Variants in ACOT13 observed in about 807,000 individuals in gnomAD.
The protein encoded by ACOT13 is acyl-CoA thioesterase 13, also known as acyl-coenzyme A thioesterase 13.
In ACOT13, 10 loss-of-function variants were observed where a neutral mutation model predicts 11.8. That is an observed-to-expected ratio of 0.85 (90% CI 0.53 to 1.44). The LOEUF (loss-of-function observed/expected upper bound fraction) is 1.44. Among genes scored for constraint, ACOT13 ranks in the 40% most tolerant of loss-of-function variants. ACOT13 has a pLI of 0.00. For synonymous variants in ACOT13, 53 were observed against 61.0 expected, an observed-to-expected ratio of 0.87 and a Z score of 0.61; for missense variants, 172 against 174.1, an observed-to-expected ratio of 0.99 and a Z score of 0.07.
Position 24,695,007 on chromosome 6 carries a change from G to A in ACOT13, c.82-2876G>A, listed in dbSNP as rs1582445029. On this transcript the variant is annotated intron_variant, in intron 1 of 2. Transcript: ENST00000230048. Reference sequence around the variant, plus strand: ...AGAACTAAGCTTTACTGAACAAACTGTGCCTTAAAATACACTTAAACTGAG... The same window carrying A: ...AGAACTAAGCTTTACTGAACAAACTATGCCTTAAAATACACTTAAACTGAG... Among the ~76,000 whole-genome samples, 3 of 152,078 alleles carry A rather than the reference G, an allele frequency of 2.0e-5. No homozygotes were observed. In the South Asian group the frequency reaches 6.2e-4, roughly 32 times the overall value.
chr6:24,697,814 C>A, intron 1 of ACOT13, 69 bp from the exon 2 acceptor site: 2 of 1,322,218 alleles, frequency 1.5e-6, no homozygotes, highest in Non-Finnish European at 1.0e-6. Flanking sequence ...ATCCATTGTT[C>A]TTCATGGGCT....
At chr6:24,674,780 G>A (rs1031777053) in intron 1 of ACOT13, among the ~76,000 whole-genome samples, 6 of 152,020 alleles carry the variant, frequency 3.9e-5, no homozygotes, top group Non-Finnish European at 5.9e-5. Flanking sequence ...TGTGTGCAAC[G>A]TGCAGGTTTG....
chr6:24,701,544 G>A lies in ACOT13; in HGVS notation c.352G>A (p.Val118Met). 5 of 1,613,986 alleles carry A rather than the reference G, an allele frequency of 3.1e-6. No homozygotes were observed. The highest frequency in any genetic ancestry group is 4.2e-6 in the Non-Finnish European group (5 of 1,179,900). The part of the protein sequence containing the change: ...KQGKTLAFTS[V>M]DLTNKATGKL... The stretch of plus-strand genomic sequence containing the variant: ...AGGAAAAACACTTGCATTTACCTCT[G>A]TGGATCTGACCAACAAGGCCACAGG... Residue 118 changes from valine (V) to methionine (M), a missense_variant, in exon 3 of 3, where the codon GTG becomes ATG. Val to Met is a conservative substitution (Grantham distance 21). Coordinates refer to ENST00000230048, the MANE Select transcript of ACOT13 (RefSeq NM_018473.4).
intron 1 of ACOT13, among the ~76,000 whole-genome samples, chr6:24,688,465 A>G (rs1778669266): frequency 6.6e-6 from 1 of 151,040 alleles, no homozygotes; most frequent in East Asian, 2.0e-4. Flanking sequence ...CCTTGAGCCC[A>G]GGAGGTCGAG....
Position 24,685,332 on chromosome 6 carries a change from C to CTTT in ACOT13, c.82-12521_82-12519dup, listed in dbSNP as rs563020332. Among the ~76,000 whole-genome samples the CTTT allele has an allele frequency of 2.4e-3, 278 of 116,630 alleles. 2 individuals carry two copies. The highest frequency in any genetic ancestry group is 4.5e-3 in the Middle Eastern group (1 of 220). The allele number at this position is 116,630 out of a possible 152,430, so 76.5% of individuals were successfully genotyped here. ...ACATGGTCTCTTTCCTTTTACTGTA[C>CTTT]TTTTTTTTTTTTTTTTTTTTTTTTT... On this transcript the variant is annotated intron_variant, in intron 1 of 2. Transcript: ENST00000230048.
chr6:24,703,168 A>C lies in ACOT13; in HGVS notation c.*1553A>C, dbSNP rs1778924190. On this transcript the variant is annotated 3_prime_UTR_variant, in exon 3 of 3. Transcript: ENST00000230048. ...TGGACTTACAGGTGTGAACCACTGC[A>C]CCCAGCTGACTCTTACTTGATTTCT... is the stretch of plus-strand genomic sequence containing the variant. The C allele has an allele frequency of 6.6e-6, 1 of 152,242 alleles. No individual in the cohort carries two copies. The highest frequency in any genetic ancestry group is 1.9e-4 in the East Asian group (1 of 5,208). The allele number at this position is 152,242 out of a possible 1,614,324, so 9.4% of individuals were successfully genotyped here.
At chr6:24,671,160 C>G (rs907632036) in intron 1 of ACOT13, among the ~76,000 whole-genome samples, 7 of 152,254 alleles carry the variant, frequency 4.6e-5, no homozygotes, top group African/African-American at 1.7e-4. Flanking sequence ...GACACATGCA[C>G]ATGTATGTTT....
At chr6:24,682,000 C>T (rs1344293763) in intron 1 of ACOT13, among the ~76,000 whole-genome samples, 2 of 152,156 alleles carry the variant, frequency 1.3e-5, no homozygotes, top group Admixed American at 6.5e-5. Flanking sequence ...GAGTTCTGGA[C>T]GACAGCTTTC....
intron 1 of ACOT13, among the ~76,000 whole-genome samples, chr6:24,682,350 A>G (rs886499768): frequency 2.0e-5 from 3 of 152,160 alleles, no homozygotes; most frequent in South Asian, 2.1e-4. Context: ...CACTTCCACA[A>G]TGGTGGCAGG....
At chr6:24,678,049 G>A (rs766424591) in intron 1 of ACOT13, among the ~76,000 whole-genome samples, 13 of 152,198 alleles carry the variant, frequency 8.5e-5, no homozygotes, top group Non-Finnish European at 1.5e-4. Context: ...AATCATCCCC[G>A]TACTGAAGGA....
chr6:24,682,077 C>T (rs1214413962), intron 1 of ACOT13, among the ~76,000 whole-genome samples: 1 of 152,208 alleles, frequency 6.6e-6, no homozygotes, highest in Non-Finnish European at 1.5e-5. Flanking sequence ...AGCAGACCAA[C>T]GTCCCCAACC....
chr6:24,687,832 C>A, intron 1 of ACOT13: 1 of 886,510 alleles, frequency 1.1e-6, no homozygotes. Flanking sequence ...CTGCTTCAGC[C>A]TCCAGAGCAG....
chr6:24,690,572 G>C (rs1385075165), intron 1 of ACOT13, among the ~76,000 whole-genome samples: 1 of 152,200 alleles, frequency 6.6e-6, no homozygotes, highest in Non-Finnish European at 1.5e-5. Context: ...TAGTGGGATA[G>C]TAATTGTTTT....
chr6:24,671,496 AG>A (rs1778365212), intron 1 of ACOT13, among the ~76,000 whole-genome samples: 1 of 152,198 alleles, frequency 6.6e-6, no homozygotes, highest in South Asian at 2.1e-4. Context: ...TAGCACTAGG[AG>A]AAATACCTAA....
rs1778919097 is a variant in ACOT13, at chr6:24,702,983, C to A, written c.*1368C>A. 1 of 152,220 alleles carries A rather than the reference C, an allele frequency of 6.6e-6. No individual in the cohort carries two copies. The highest frequency in any genetic ancestry group is 6.5e-5 in the Admixed American group (1 of 15,286). The allele number at this position is 152,220 out of a possible 1,614,324, so 9.4% of individuals were successfully genotyped here. On this transcript the variant is annotated 3_prime_UTR_variant, in exon 3 of 3. Coordinates refer to ENST00000230048, the MANE Select transcript of ACOT13 (RefSeq NM_018473.4). ...CTTCCCATAGCCTCAAAATCCCAGG[C>A]TCAAGACATTCTTCCACCTCAGTCT...
intron 1 of ACOT13, among the ~76,000 whole-genome samples, chr6:24,684,172 G>A (rs921263012): frequency 2.0e-5 from 3 of 152,098 alleles, no homozygotes; most frequent in Non-Finnish European, 4.4e-5. Flanking sequence ...ATCTCTCAGG[G>A]CTTTTGTGAA....
rs575591311 is a variant in ACOT13 at position 24,703,048 on chromosome 6, A to C, written c.*1433A>C. The C allele has an allele frequency of 1.3e-5, 2 of 152,176 alleles. No individual in the cohort carries two copies. The highest frequency in any genetic ancestry group is 2.9e-5 in the Non-Finnish European group (2 of 68,072). 9.4% of individuals were successfully genotyped at this position (152,176 alleles called of 1,614,324 possible). A position where few individuals can be genotyped will look rare whatever the true frequency, so the allele number is the denominator to read the frequency against. ...ACTACAGGCGTGTGCCACCACGCCT[A>C]ATTTTATTTTTGTAGAAACAAGGTC... is the stretch of plus-strand genomic sequence containing the variant. On this transcript the variant is annotated 3_prime_UTR_variant, in exon 3 of 3. Transcript: ENST00000230048.
At chr6:24,685,333 T>C (rs1443760622) in intron 1 of ACOT13, among the ~76,000 whole-genome samples, 10 of 6,482 alleles carry the variant, frequency 1.5e-3, no homozygotes, top group Admixed American at 6.6e-3. Context: ...TTTACTGTAC[T>C]TTTTTTTTTT....
chr6:24,672,546 G>A (rs1413962874), intron 1 of ACOT13, among the ~76,000 whole-genome samples: 1 of 152,232 alleles, frequency 6.6e-6, no homozygotes. Context: ...GGCTGAGGCA[G>A]GAGAATCGCT....
Sources: allele counts gnomAD v4.1 joint callset (sites outside exome capture counted in the v4.1 genomes callset), GRCh38; gene constraint gnomAD v4.1.1; transcripts MANE v1.5; gene names NCBI Gene and HGNC (gene_info 2026-07-23, HGNC 2026-07-21).